Variants in PTPN14 observed in about 807,000 individuals in gnomAD.
PTPN14 encodes protein tyrosine phosphatase non-receptor type 14.
Under a neutral mutation model 126.8 loss-of-function variants are expected in PTPN14, and 53 were observed. The ratio of observed to expected loss-of-function variants is 0.42; its 90% CI spans 0.34 to 0.53. PTPN14 has a LOEUF of 0.53. PTPN14 is among the 20% of genes least tolerant of loss of function. The probability of loss-of-function intolerance (pLI) is 0.08; values close to 1 mark genes in which losing one functional copy is unlikely to be tolerated. For missense variants in PTPN14, 1,257 were observed against 1,552.9 expected, an observed-to-expected ratio of 0.81 and a Z score of 3.20; for synonymous variants, 630 against 599.3, an observed-to-expected ratio of 1.05 and a Z score of -0.75.
chr1:214,507,290 C>G (rs1654867463), intron 1 of PTPN14, among the ~76,000 whole-genome samples: 1 of 152,160 alleles, frequency 6.6e-6, no homozygotes, highest in Non-Finnish European at 1.5e-5. Context: ...GGCTAACAAT[C>G]TCCACTACCA....
intron 3 of PTPN14, among the ~76,000 whole-genome samples, chr1:214,422,051 C>CA (rs1319328770): frequency 6.6e-6 from 1 of 152,066 alleles, no homozygotes; most frequent in African/African-American, 2.4e-5. Context: ...GAAATACTGA[C>CA]AGAGAGACAA....
intron 1 of PTPN14, among the ~76,000 whole-genome samples, chr1:214,500,622 G>A (rs878908243): frequency 6.6e-6 from 1 of 152,064 alleles, no homozygotes; most frequent in Non-Finnish European, 1.5e-5. Context: ...AACCACTGAG[G>A]GACAGACAGA....
chr1:214,497,748 T>C (rs114144238), intron 1 of PTPN14, among the ~76,000 whole-genome samples: 6,157 of 152,282 alleles, frequency 0.04, 175 homozygotes, highest in Middle Eastern at 0.12. Flanking sequence ...TGTTTCTAAT[T>C]TCTTTTTTCA....
At chr1:214,426,413 T>C (rs1366771672) in intron 3 of PTPN14, among the ~76,000 whole-genome samples, 1 of 152,188 alleles carries the variant, frequency 6.6e-6, no homozygotes, top group Non-Finnish European at 1.5e-5. Context: ...AAAAATCATT[T>C]TGAACATCCT....
Position 214,532,559 on chromosome 1 carries a change from G to A in PTPN14, c.-155+18624C>T. 2.8e-6 allele frequency: 3 copies of A among 1,071,902 alleles called. No homozygotes were observed. In the South Asian group the frequency reaches 3.7e-5, roughly 13 times the overall value. 66.4% of individuals were successfully genotyped at this position (1,071,902 alleles called of 1,614,324 possible). A position where few individuals can be genotyped will look rare whatever the true frequency, so the allele number is the denominator to read the frequency against. On this transcript the variant is annotated intron_variant, in intron 1 of 18. Transcript: ENST00000366956. ...AGAAGGGACCCCAGGTCAGAGACTG[G>A]GGGCCATTACTTCAAGATCATCGAG...
chr1:214,476,507 T>C (rs1572024173), intron 1 of PTPN14, among the ~76,000 whole-genome samples: 1 of 152,176 alleles, frequency 6.6e-6, no homozygotes, highest in Non-Finnish European at 1.5e-5. Context: ...CTTCCTCCCA[T>C]GCCTGAGTGA....
At chr1:214,463,661 C>A (rs533414605) in intron 2 of PTPN14, among the ~76,000 whole-genome samples, 1 of 152,182 alleles carries the variant, frequency 6.6e-6, no homozygotes, top group Non-Finnish European at 1.5e-5. Flanking sequence ...CATGCAATCA[C>A]TTCCAACAGT....
At chr1:214,427,620 G>T (rs1659698077) in intron 3 of PTPN14, among the ~76,000 whole-genome samples, 1 of 152,130 alleles carries the variant, frequency 6.6e-6, no homozygotes, top group African/African-American at 2.4e-5. Context: ...CCCATTCTCT[G>T]CTCTTGCTCA....
At position 214,383,523 on chromosome 1, in the gene PTPN14, C is replaced by T; in HGVS notation, c.2332G>A (p.Ala778Thr). The T allele has an allele frequency of 1.2e-6, 2 of 1,614,072 alleles. No homozygotes were observed. The highest frequency in any genetic ancestry group is 2.7e-5 in the African/African-American group (2 of 75,074). Residue 778 changes from alanine (A) to threonine (T), a missense_variant, in exon 13 of 19, where the codon GCC becomes ACC. This residue lies in a region of PTPN14 where 1,021 missense variants were observed against 1,183.3 expected (regional missense o/e 0.86). Transcript: ENST00000366956. The surrounding 1 kb of genome is among the most constrained non-coding windows in gnomAD (Gnocchi z 4.4). The stretch of plus-strand genomic sequence containing the variant: ...GCTGGCCCATGCCTCAGCACCCTGG[C>T]TCTGGCCATGGCGGGAGGAAGGCTG... The part of the protein sequence containing the change: ...QASLPPAMAR[A>T]RVLRHGPAKA...
intron 18 of PTPN14, among the ~76,000 whole-genome samples, chr1:214,359,443 C>T (rs1380106483): frequency 6.7e-6 from 1 of 149,816 alleles, no homozygotes; most frequent in Admixed American, 6.7e-5. Context: ...AGGCTGGTCT[C>T]GAACTCCTGA....
intron 3 of PTPN14, among the ~76,000 whole-genome samples, chr1:214,425,679 CCACAT>C (rs1391977566): frequency 6.6e-6 from 1 of 152,084 alleles, no homozygotes; most frequent in East Asian, 1.9e-4. Flanking sequence ...TAAAAACACA[CCACAT>C]GTCTATCAAA....
intron 2 of PTPN14, among the ~76,000 whole-genome samples, chr1:214,462,151 T>C (rs1360576166): frequency 1.3e-5 from 2 of 152,186 alleles, no homozygotes; most frequent in African/African-American, 4.8e-5. Context: ...CGAATGCGGA[T>C]GCACCCATTA....
intron 11 of PTPN14, among the ~76,000 whole-genome samples, chr1:214,389,876 A>G (rs1458617271): frequency 6.6e-6 from 1 of 152,248 alleles, no homozygotes; most frequent in Non-Finnish European, 1.5e-5. Context: ...GGGAAAGCCC[A>G]ACGTATCTGT....
intron 1 of PTPN14, among the ~76,000 whole-genome samples, chr1:214,497,798 A>G (rs968474925): frequency 1.3e-5 from 2 of 152,276 alleles, no homozygotes; most frequent in Non-Finnish European, 2.9e-5. Flanking sequence ...ATATACATGC[A>G]TAGGAAAAGT....
intron 2 of PTPN14, among the ~76,000 whole-genome samples, chr1:214,464,171 AT>A (rs1285680536): frequency 1.0e-5 from 1 of 95,670 alleles, no homozygotes; most frequent in African/African-American, 4.7e-5. Context: ...TTTTCTCTTT[AT>A]TCGGTGGGGT....
Position 214,475,105 on chromosome 1 carries a change from T to C in PTPN14, c.-154-10148A>G, listed in dbSNP as rs140512668. On this transcript the variant is annotated intron_variant, in intron 1 of 18. Coordinates refer to ENST00000366956, the MANE Select transcript of PTPN14 (RefSeq NM_005401.5). ...ACAGGTATGTCAGGGGTCTCACCAT[T>C]CTCTACAGCTTTGTATGTGCCTAAA... 4.7e-3 allele frequency among the ~76,000 whole-genome samples: 710 copies of C among 152,290 alleles called. 1 individual carries two copies. The highest frequency in any genetic ancestry group is 0.016 in the African/African-American group (682 of 41,580).
At chr1:214,416,104 G>T (rs1659420004) in intron 3 of PTPN14, among the ~76,000 whole-genome samples, 1 of 152,142 alleles carries the variant, frequency 6.6e-6, no homozygotes, top group Non-Finnish European at 1.5e-5. Context: ...TTAACCCATA[G>T]CTATCATTCA....
chr1:214,523,654 C>T (rs1655316608), intron 1 of PTPN14, among the ~76,000 whole-genome samples: 1 of 152,098 alleles, frequency 6.6e-6, no homozygotes, highest in South Asian at 2.1e-4. Flanking sequence ...CAACTAGGGG[C>T]CCTGAGTGCA....
chr1:214,533,530 T>TAAA, intron 1 of PTPN14: 1 of 307,254 alleles, frequency 3.3e-6, no homozygotes. Context: ...TTCAGCGGTT[T>TAAA]AAATAAAAAA....
Sources: gnomAD v4.1 joint callset for allele counts (sites outside exome capture counted in the v4.1 genomes callset) on GRCh38, gnomAD v4.1.1 for gene constraint, gnomAD v4.1.1 regional missense constraint, Gnocchi (gnomAD v3.1) non-coding constraint, MANE v1.5 for transcripts, NCBI Gene and HGNC (gene_info 2026-07-23, HGNC 2026-07-21) for gene names.